DACT3: variants seen among roughly 807,000 people sequenced by gnomAD.
DACT3 encodes the protein dishevelled binding antagonist of beta catenin 3, also known as dapper homolog 3.
Under a neutral mutation model 19.6 loss-of-function variants are expected in DACT3, and 5 were observed. The ratio of observed to expected loss-of-function variants is 0.26; its 90% CI spans 0.13 to 0.54. The LOEUF is 0.54. Among genes scored for constraint, DACT3 ranks in the 20% least tolerant of loss-of-function variants. The pLI, the probability that DACT3 is intolerant of heterozygous loss-of-function variation, is 0.95. For missense variants in DACT3, 908 were observed against 927.4 expected (o/e 0.98, Z 0.27); for synonymous variants, 454 against 428.1 (o/e 1.06, Z -0.75).
Position 46,660,687 on chromosome 19 carries a change from C to T in DACT3, c.249+129G>A. ...GCCGCCGGAACTCCGGGGTCGCCAGCCCCACCCCCTGTCCTTTCTCACTCC... is the reference window on the plus strand; with the variant it reads ...GCCGCCGGAACTCCGGGGTCGCCAGTCCCACCCCCTGTCCTTTCTCACTCC... On this transcript the variant is annotated intron_variant, in intron 1 of 3. Transcript: ENST00000391916. The surrounding 1 kb of genome is among the most constrained non-coding windows in gnomAD (Gnocchi z 4.9). The T allele has an allele frequency of 7.2e-7, 1 of 1,381,622 alleles. No individual in the cohort carries two copies. The allele number at this position is 1,381,622 out of a possible 1,614,324, so 85.6% of individuals were successfully genotyped here.
intron 1 of DACT3, among the ~76,000 whole-genome samples, chr19:46,657,196 G>A (rs1006138800): frequency 6.6e-5 from 10 of 152,014 alleles, no homozygotes; most frequent in South Asian, 2.1e-4. Flanking sequence ...TTAAGGAGGC[G>A]TGACTTGGCA....
At chr19:46,658,617 G>T (rs2053049971) in intron 1 of DACT3, among the ~76,000 whole-genome samples, 1 of 152,066 alleles carries the variant, frequency 6.6e-6, no homozygotes, top group African/African-American at 2.4e-5. Context: ...CCTTCCAGTT[G>T]CAAAAGGATG....
chr19:46,655,919 C>A (rs2053029399), intron 1 of DACT3, among the ~76,000 whole-genome samples: 1 of 108,452 alleles, frequency 9.2e-6, no homozygotes, highest in South Asian at 2.9e-4. Flanking sequence ...CTCTCTCTCT[C>A]TCTCTCTATA....
chr19:46,648,306 T>G lies in DACT3; in HGVS notation c.*176A>C. On this transcript the variant is annotated 3_prime_UTR_variant, in exon 4 of 4. Coordinates refer to ENST00000391916, the MANE Select transcript of DACT3 (RefSeq NM_145056.3). The surrounding 1 kb of genome is among the most constrained non-coding windows in gnomAD (Gnocchi z 5.1). ...GTCAAACAGGGCTCCTCCCCATTCCTCTCGGTGGTGGTGGGGGAGCCTTTT... is the reference window on the plus strand; with the variant it reads ...GTCAAACAGGGCTCCTCCCCATTCCGCTCGGTGGTGGTGGGGGAGCCTTTT... 1.8e-6 allele frequency: 2 copies of G among 1,086,484 alleles called. No individual in the cohort carries two copies. The highest frequency in any genetic ancestry group is 2.4e-5 in the East Asian group (1 of 41,374). 67.3% of individuals were successfully genotyped at this position (1,086,484 alleles called of 1,614,324 possible). A position where few individuals can be genotyped will look rare whatever the true frequency, so the allele number is the denominator to read the frequency against.
At position 46,652,721 on chromosome 19, in the gene DACT3, A is replaced by G. The variant is rs2122458215; in HGVS notation, c.438T>C (p.Tyr146=). The G allele has an allele frequency of 1.9e-6, 3 of 1,551,624 alleles. No individual in the cohort carries two copies. The highest frequency in any genetic ancestry group is 1.2e-5 in the South Asian group (1 of 84,056). The change falls in exon 3 of 4, where the codon TAT becomes TAC. Residue 146 remains tyrosine, a synonymous_variant. Coordinates refer to ENST00000391916, the MANE Select transcript of DACT3 (RefSeq NM_145056.3). ...GDSGFSGSSS[Y]GRLGPSEPRG... Reference sequence around the variant, plus strand: ...GGGGCTCAGAGGGACCCAGGCGACCATAGGAGCTGGATCCAGAGAAGCCAC... The same window carrying G: ...GGGGCTCAGAGGGACCCAGGCGACCGTAGGAGCTGGATCCAGAGAAGCCAC...
chr19:46,648,644 C>T lies in DACT3; in HGVS notation c.1728G>A (p.Pro576=), dbSNP rs1215893921. Residue 576 remains proline (P), a synonymous_variant, in exon 4 of 4, where the codon CCG becomes CCA. Transcript: ENST00000391916. This position sits in a 1 kb window ranked among gnomAD's most constrained non-coding sequence, Gnocchi z 5.1. ...CCGCGGTGGCCGCCACCAGCTGCTGCGGCCACACGAGGCCACCGCTGCCGT... is the reference window on the plus strand; with the variant it reads ...CCGCGGTGGCCGCCACCAGCTGCTGTGGCCACACGAGGCCACCGCTGCCGT... ...DSDGSGGLVW[P]QQLVAATAAS... is the part of the protein sequence containing the mutation. The T allele has an allele frequency of 1.2e-6, 2 of 1,612,542 alleles. No individual in the cohort carries two copies. The highest frequency in any genetic ancestry group is 8.5e-7 in the Non-Finnish European group (1 of 1,179,468).
intron 1 of DACT3, chr19:46,654,175 C>T (rs1307937065): frequency 2.0e-6 from 2 of 985,186 alleles, no homozygotes; most frequent in Non-Finnish European, 2.4e-6. Flanking sequence ...TCTACCTTTC[C>T]TCATCGCCAT....
intron 1 of DACT3, among the ~76,000 whole-genome samples, chr19:46,655,933 A>C (rs776530818): frequency 0.026 from 3,426 of 131,300 alleles, 44 homozygotes; most frequent in African/African-American, 0.041. Context: ...CTCTATATAT[A>C]TATATATATA....
At position 46,648,360 on chromosome 19, in the gene DACT3, T is replaced by A; in HGVS notation, c.*122A>T. On this transcript the variant is annotated 3_prime_UTR_variant, in exon 4 of 4. Coordinates refer to ENST00000391916, the MANE Select transcript of DACT3 (RefSeq NM_145056.3). The surrounding 1 kb of genome is among the most constrained non-coding windows in gnomAD (Gnocchi z 5.1). Reference sequence around the variant, plus strand: ...CCAAGACTGTTAGGAGTGGGGAGAGTGAGGGGGGTCTTTGGAAGCAGAGAA... The same window carrying A: ...CCAAGACTGTTAGGAGTGGGGAGAGAGAGGGGGGTCTTTGGAAGCAGAGAA... 1 of 1,449,788 alleles carries A rather than the reference T, an allele frequency of 6.9e-7. No individual in the cohort carries two copies. The highest frequency in any genetic ancestry group is 9.4e-7 in the Non-Finnish European group (1 of 1,068,540). 89.8% of individuals were successfully genotyped at this position (1,449,788 alleles called of 1,614,324 possible).
chr19:46,654,201 G>A (rs906469403), intron 1 of DACT3: 1 of 985,192 alleles, frequency 1.0e-6, no homozygotes, highest in African/African-American at 1.7e-5. Context: ...ATTTCGGGGA[G>A]TCAGGCCGGG....
chr19:46,654,680 C>G (rs148098610), intron 1 of DACT3: 14 of 985,194 alleles, frequency 1.4e-5, no homozygotes, highest in Non-Finnish European at 1.7e-5. Flanking sequence ...CAGGCAGCCT[C>G]GGGCTGACGG....
rs893950483 is a variant in DACT3 at position 46,661,147 on chromosome 19, C to G, written c.-83G>C. ...CACCTCCCCGCCCCAGCAGCCTGCC[C>G]GCCCGCCCGCTGGCCGGGCTGTCAC... On this transcript the variant is annotated 5_prime_UTR_variant, in exon 1 of 4. Coordinates refer to ENST00000391916, the MANE Select transcript of DACT3 (RefSeq NM_145056.3). 11 of 1,277,888 alleles carry G rather than the reference C, an allele frequency of 8.6e-6. No individual in the cohort carries two copies. In the African/African-American group the frequency reaches 1.6e-4, roughly 18 times the overall value. 79.2% of individuals were successfully genotyped at this position (1,277,888 alleles called of 1,614,324 possible).
At position 46,652,760 on chromosome 19, in the gene DACT3, G is replaced by C; in HGVS notation, c.399C>G (p.Thr133=). ...STGGPDSPPS[T]FCGDSGFSGS... ...CAGAGAAGCCACTGTCCCCACAGAA[G>C]GTTGAGGGTGGTGAATCTGGACCTC... The change falls in exon 3 of 4, where the codon ACC becomes ACG. Residue 133 remains threonine, a synonymous_variant. Coordinates refer to ENST00000391916, the MANE Select transcript of DACT3 (RefSeq NM_145056.3). 1 of 1,551,670 alleles carries C rather than the reference G, an allele frequency of 6.4e-7. No individual in the cohort carries two copies. The highest frequency in any genetic ancestry group is 1.2e-5 in the South Asian group (1 of 84,064).
In DACT3 at chr19:46,649,493, A is replaced by G; in HGVS notation, c.879T>C (p.Ser293=). The change falls in exon 4 of 4, where the codon TCT becomes TCC. Residue 293 remains serine (S), a synonymous_variant. Transcript: ENST00000391916. ...CGGGTCGCGCGCTGCCGGGGGACGG[A>G]GACGCGTCGGGCGGCCGCTGGCGCA... ...NSVRQRPPDA[S]PSPGSARPAR... 8.9e-7 allele frequency: 1 copy of G among 1,122,486 alleles called. No individual in the cohort carries two copies. 69.5% of individuals were successfully genotyped at this position (1,122,486 alleles called of 1,614,324 possible).
intron 3 of DACT3, chr19:46,650,149 T>TTTTTTTA (rs2052969383): frequency 5.1e-6 from 1 of 196,846 alleles, no homozygotes; most frequent in African/African-American, 2.4e-5. Context: ...TTTTTTTTTT[T>TTTTTTTA]GAGACGGAGT....
At chr19:46,657,861 G>T (rs2053044597) in intron 1 of DACT3, among the ~76,000 whole-genome samples, 1 of 152,050 alleles carries the variant, frequency 6.6e-6, no homozygotes, top group African/African-American at 2.4e-5. Flanking sequence ...AGACCAGCCT[G>T]GCCAACATGG....
chr19:46,648,513 G>A lies in DACT3; in HGVS notation c.1859C>T (p.Ser620Leu). The A allele has an allele frequency of 1.2e-6, 2 of 1,613,948 alleles. No homozygotes were observed. The highest frequency in any genetic ancestry group is 1.7e-6 in the Non-Finnish European group (2 of 1,179,874). The change falls in exon 4 of 4, where the codon TCG (serine) becomes TTG (leucine). Residue 620 changes from serine (S) to leucine (L), a missense_variant. By Grantham distance (145) the Ser-to-Leu change is moderately radical. Transcript: ENST00000391916. This position sits in a 1 kb window ranked among gnomAD's most constrained non-coding sequence, Gnocchi z 5.1. The stretch of plus-strand genomic sequence containing the variant: ...TGTAGTCATGACCTTGAGAGAACCC[G>A]AACGGAAACGCAGTATCTTTTTCTT... ...ALKKKILRFR[S>L]GSLKVMTTV
In DACT3 at chr19:46,648,740, A is replaced by G. The variant is rs774790938; in HGVS notation, c.1632T>C (p.Gly544=). The G allele has an allele frequency of 3.7e-5, 59 of 1,585,072 alleles. No individual in the cohort carries two copies. Among genetic ancestry groups the G allele is most frequent in the Non-Finnish European group, 4.9e-5 (57 of 1,171,548 alleles). The change falls in exon 4 of 4, where the codon GGT becomes GGC. Residue 544 remains glycine (G), a synonymous_variant. Coordinates refer to ENST00000391916, the MANE Select transcript of DACT3 (RefSeq NM_145056.3). This position sits in a 1 kb window ranked among gnomAD's most constrained non-coding sequence, Gnocchi z 5.1. The stretch of plus-strand genomic sequence containing the variant: ...TGGCGCTCGATTCGCTCTCCCCGTA[A>G]CCCCCGCCGACGCCTCCCGCAGGCC... ...RRGPAGGVGG[G]YGESESSASE...
intron 1 of DACT3, chr19:46,654,959 A>G (rs2053022080): frequency 1.0e-6 from 1 of 985,286 alleles, no homozygotes; most frequent in Admixed American, 6.2e-5. Context: ...GTATATTGAG[A>G]TGCTCACAGT....
Sources: allele counts gnomAD v4.1 joint callset (sites outside exome capture counted in the v4.1 genomes callset), GRCh38; gene constraint gnomAD v4.1.1; non-coding constraint Gnocchi (gnomAD v3.1); transcripts MANE v1.5; gene names NCBI Gene and HGNC (gene_info 2026-07-23, HGNC 2026-07-21).